The following TMC7 variants were observed in gnomAD, a reference collection of about 807,000 sequenced individuals.
TMC7 encodes transmembrane channel-like protein 7.
A neutral mutation model predicts 82.9 loss-of-function variants in TMC7; 54 were observed. The observed-to-expected ratio is 0.65, with a 90% CI of 0.52 to 0.82. The LOEUF (loss-of-function observed/expected upper bound fraction) is 0.82. TMC7 is among the 40% of genes least tolerant of loss of function. The pLI is 0.00. For missense variants in TMC7, 820 were observed against 901.2 expected (o/e 0.91, Z 1.15); for synonymous variants, 350 against 337.9 (o/e 1.04, Z -0.39).
intron 1 of TMC7, among the ~76,000 whole-genome samples, chr16:18,999,934 T>G (rs1261869362): frequency 6.6e-6 from 1 of 151,878 alleles, no homozygotes; most frequent in Non-Finnish European, 1.5e-5. Context: ...CTGCTAATTA[T>G]TTGTATTTTT....
At chr16:19,000,082 G>T (rs1248535291) in intron 1 of TMC7, among the ~76,000 whole-genome samples, 1 of 152,100 alleles carries the variant, frequency 6.6e-6, no homozygotes, top group Non-Finnish European at 1.5e-5. Flanking sequence ...GCCGGGCAGA[G>T]TCCGGGCTTT....
rs781173030 is a variant in TMC7 at position 18,984,074 on chromosome 16, C to A, written c.11C>A (p.Ser4Tyr). Residue 4 changes from serine to tyrosine, a missense_variant, in exon 1 of 16, where the codon TCC becomes TAC. By Grantham distance (144) the Ser-to-Tyr change is moderately radical (BLOSUM62 -2). This residue lies in a region of TMC7 where 650 missense variants were observed against 669.9 expected (regional missense o/e 0.97). Coordinates refer to ENST00000304381, the MANE Select transcript of TMC7 (RefSeq NM_024847.4). MSE[S>Y]SGSALQPGRP... is the part of the protein sequence containing the mutation. ...GCGCGGGGCGCGGCCATGAGCGAGT[C>A]CAGCGGCAGTGCGCTCCAGCCCGGC... 176 of 1,498,922 alleles carry A rather than the reference C, an allele frequency of 1.2e-4. No homozygotes were observed. The highest frequency in any genetic ancestry group is 5.5e-4 in the Admixed American group (26 of 46,868). 92.9% of individuals were successfully genotyped at this position (1,498,922 alleles called of 1,614,324 possible). A position where few individuals can be genotyped will look rare whatever the true frequency, so the allele number is the denominator to read the frequency against.
intron 1 of TMC7, among the ~76,000 whole-genome samples, chr16:19,003,473 C>T (rs1209904221): frequency 6.6e-6 from 1 of 150,408 alleles, no homozygotes. Context: ...TCTGCCCGGC[C>T]GCCCCTACTG....
chr16:19,037,763 A>G, intron 7 of TMC7, 111 bp from the exon 8 acceptor site: 1 of 1,197,044 alleles, frequency 8.4e-7, no homozygotes. Flanking sequence ...GTGAGCCACC[A>G]TGCCTGGCTA....
Position 19,056,602 on chromosome 16 carries a change from C to G in TMC7, c.1932C>G (p.Ile644Met), listed in dbSNP as rs1225337850. Residue 644 changes from isoleucine (I) to methionine (M), a missense_variant, in exon 14 of 16, where the codon ATC becomes ATG. Physicochemically the swap from Ile to Met is conservative, Grantham distance 10. Around this residue, in one of 2 missense-constraint regions of TMC7, gnomAD observed 170 missense variants for 231.3 expected, o/e 0.74. Coordinates refer to ENST00000304381, the MANE Select transcript of TMC7 (RefSeq NM_024847.4). The part of the protein sequence containing the change: ...FTNFNTTWEV[I>M]PKTVSTFPSS... ...ACTTCAACACCACCTGGGAGGTCAT[C>G]CCCAAGACGGTGAGCACCTTCCCCA... is the stretch of plus-strand genomic sequence containing the variant. The G allele has an allele frequency of 6.2e-7, 1 of 1,614,026 alleles. No homozygotes were observed. Among genetic ancestry groups the G allele is most frequent in the Admixed American group, 1.7e-5 (1 of 59,986 alleles).
chr16:18,991,824 G>A (rs1199832626), intron 1 of TMC7, among the ~76,000 whole-genome samples: 1 of 152,106 alleles, frequency 6.6e-6, no homozygotes, highest in Non-Finnish European at 1.5e-5. Flanking sequence ...CTATGAGTGA[G>A]AACATGCGGT....
chr16:19,059,384 C>T, intron 14 of TMC7, 32 bp from the exon 15 acceptor site: 1 of 1,603,754 alleles, frequency 6.2e-7, no homozygotes, highest in African/African-American at 1.3e-5. Flanking sequence ...ATGATCCAGA[C>T]TCCCTTGTGA....
chr16:19,014,168 A>C (rs968822116), intron 2 of TMC7, among the ~76,000 whole-genome samples: 18 of 151,824 alleles, frequency 1.2e-4, no homozygotes, highest in Admixed American at 5.3e-4. Context: ...ACCTGGCCGC[A>C]CTCTTGCTTA....
intron 14 of TMC7, among the ~76,000 whole-genome samples, chr16:19,057,845 G>C (rs750919493): frequency 6.6e-6 from 1 of 152,196 alleles, no homozygotes; most frequent in Non-Finnish European, 1.5e-5. Flanking sequence ...GTTTTTATGA[G>C]GGCTTGCCCT....
At chr16:18,985,586 TCATCTTTCTTG>T (rs1310931291) in intron 1 of TMC7, among the ~76,000 whole-genome samples, 1 of 152,184 alleles carries the variant, frequency 6.6e-6, no homozygotes, top group Non-Finnish European at 1.5e-5. Flanking sequence ...AATGTGAGAT[TCATCTTTCTTG>T]CATCTTTGCT....
At position 19,045,508 on chromosome 16, in the gene TMC7, C is replaced by T. The variant is rs1457745583; in HGVS notation, c.1553+70C>T. The T allele has an allele frequency of 5.6e-6, 6 of 1,080,836 alleles. 1 individual carries two copies. The highest frequency in any genetic ancestry group is 8.6e-6 in the Non-Finnish European group (6 of 699,372). 67.0% of individuals were successfully genotyped at this position (1,080,836 alleles called of 1,614,324 possible). ...GCACACACACACATACACACACACA[C>T]AACTGGAGGGTCCCATTGCAGCTGC... On this transcript the variant is annotated intron_variant, in intron 11 of 15. Transcript: ENST00000304381.
At chr16:19,041,846 CTT>C (rs903538652) in intron 9 of TMC7, among the ~76,000 whole-genome samples, 7 of 152,132 alleles carry the variant, frequency 4.6e-5, no homozygotes, top group African/African-American at 1.7e-4. Context: ...TCCTAAATCT[CTT>C]TTATTATTTT....
chr16:19,004,178 A>G (rs1356448239), intron 1 of TMC7, among the ~76,000 whole-genome samples: 1 of 152,158 alleles, frequency 6.6e-6, no homozygotes, highest in African/African-American at 2.4e-5. Flanking sequence ...CCTAGTTATA[A>G]AAATAATGAT....
chr16:19,048,650 A>G (rs1961395445), intron 12 of TMC7, among the ~76,000 whole-genome samples: 1 of 151,928 alleles, frequency 6.6e-6, no homozygotes, highest in Non-Finnish European at 1.5e-5. Flanking sequence ...TGAACTCCCG[A>G]CCTCAGGTGA....
chr16:19,005,056 TTTTATTTATTTATTTATTTA>T (rs141697169), intron 1 of TMC7, among the ~76,000 whole-genome samples: 125 of 144,198 alleles, frequency 8.7e-4, no homozygotes, highest in Admixed American at 2.6e-3. Flanking sequence ...AAATACTTTA[TTTTATTTATTTATTTATTTA>T]TTTATTTATT....
intron 1 of TMC7, among the ~76,000 whole-genome samples, chr16:18,990,573 C>A (rs546660143): frequency 6.6e-6 from 1 of 152,152 alleles, no homozygotes; most frequent in Admixed American, 6.6e-5. Context: ...GCGTGAGCAG[C>A]GTAGCTGTTT....
intron 14 of TMC7, among the ~76,000 whole-genome samples, chr16:19,057,511 G>T (rs1961827302): frequency 1.3e-5 from 2 of 152,222 alleles, no homozygotes; most frequent in South Asian, 4.1e-4. Flanking sequence ...TGAGCCCAAA[G>T]AAATGTACCT....
intron 2 of TMC7, among the ~76,000 whole-genome samples, chr16:19,010,656 A>G (rs112395536): frequency 1.5e-4 from 23 of 152,312 alleles, no homozygotes; most frequent in Admixed American, 5.9e-4. Context: ...ATCACCCCAC[A>G]ACGGAGTAGC....
chr16:19,043,889 A>G (rs750240926), intron 9 of TMC7, among the ~76,000 whole-genome samples: 12 of 142,328 alleles, frequency 8.4e-5, no homozygotes, highest in Admixed American at 1.4e-4. Context: ...GTTTTCTTTG[A>G]GATGGAGTCT....
Sources: gnomAD v4.1 joint callset for allele counts (sites outside exome capture counted in the v4.1 genomes callset) on GRCh38, gnomAD v4.1.1 for gene constraint, gnomAD v4.1.1 regional missense constraint, MANE v1.5 for transcripts, NCBI Gene and HGNC (gene_info 2026-07-23, HGNC 2026-07-21) for gene names.